PCDHA1: variants seen among roughly 807,000 people sequenced by gnomAD.
PCDHA1 encodes protocadherin alpha-1.
Under a neutral mutation model 61.3 loss-of-function variants are expected in PCDHA1, and 42 were observed. The observed-to-expected ratio is 0.69, with a 90% CI of 0.54 to 0.89. The LOEUF (loss-of-function observed/expected upper bound fraction) is 0.89, where lower values mean the gene tolerates loss of function less well. Ranked by LOEUF, PCDHA1 falls within the 40% of genes least tolerant of loss-of-function variation. PCDHA1 has a pLI of 0.00. For missense variants in PCDHA1, 1,256 were observed against 1,235.3 expected, an observed-to-expected ratio of 1.02 and a Z score of -0.25; for synonymous variants, 610 against 553.8, an observed-to-expected ratio of 1.10 and a Z score of -1.43.
At chr5:140,969,702 C>A (rs1305755991) in intron 1 of PCDHA1, among the ~76,000 whole-genome samples, 1 of 152,144 alleles carries the variant, frequency 6.6e-6, no homozygotes, top group African/African-American at 2.4e-5. Context: ...TCTGCTGTAT[C>A]ATCTACAGGG....
intron 1 of PCDHA1, among the ~76,000 whole-genome samples, chr5:140,892,561 A>G (rs766284976): frequency 1.3e-5 from 2 of 152,156 alleles, no homozygotes; most frequent in Non-Finnish European, 2.9e-5. Context: ...GTCCTTGGAG[A>G]CTGTCAAAAG....
chr5:140,840,084 T>A (rs982040414), intron 1 of PCDHA1, among the ~76,000 whole-genome samples: 2 of 151,904 alleles, frequency 1.3e-5, no homozygotes, highest in Non-Finnish European at 2.9e-5. Context: ...AAAGATAAAC[T>A]TGTTGAAGAT....
At chr5:140,875,884 C>A in intron 1 of PCDHA1, 1 of 1,614,168 alleles carries the variant, frequency 6.2e-7, no homozygotes, top group Non-Finnish European at 8.5e-7. Context: ...AGAAAGGGAA[C>A]AAAAGGTACC....
At chr5:140,843,515 T>TGCCGGGCGGGC in intron 1 of PCDHA1, 1 of 1,595,536 alleles carries the variant, frequency 6.3e-7, no homozygotes, top group Non-Finnish European at 8.6e-7. Context: ...TGAGGGCGGG[T>TGCCGGGCGGGC]GCCGGGCGGG....
At chr5:140,830,250 C>G (rs2150183440) in intron 1 of PCDHA1, 3 of 1,613,904 alleles carry the variant, frequency 1.9e-6, no homozygotes, top group Admixed American at 1.7e-5. Flanking sequence ...CTGTACACAG[C>G]GCTGCGGTGC....
chr5:140,829,438 T>G, intron 1 of PCDHA1: 1 of 1,613,992 alleles, frequency 6.2e-7, no homozygotes, highest in Non-Finnish European at 8.5e-7. Flanking sequence ...CCGACATGAA[T>G]GACAATGCTC....
intron 1 of PCDHA1, chr5:140,808,558 G>A: frequency 6.2e-7 from 1 of 1,614,114 alleles, no homozygotes; most frequent in Non-Finnish European, 8.5e-7. Context: ...CGTTCGCGCA[G>A]CCCGAGTACA....
At chr5:140,943,791 C>G (rs74565063) in intron 1 of PCDHA1, among the ~76,000 whole-genome samples, 2,339 of 152,200 alleles carry the variant, frequency 0.015, 18 homozygotes, top group Middle Eastern at 0.027. Flanking sequence ...GTCCTTTATG[C>G]AAAGCAAAAG....
chr5:140,850,299 G>A, intron 1 of PCDHA1: 1 of 1,596,610 alleles, frequency 6.3e-7, no homozygotes, highest in Non-Finnish European at 8.6e-7. Flanking sequence ...CGCCGACTCG[G>A]GCTACAACGC....
intron 1 of PCDHA1, chr5:140,822,381 A>G: frequency 6.2e-7 from 1 of 1,614,174 alleles, no homozygotes; most frequent in Non-Finnish European, 8.5e-7. Flanking sequence ...TAGATAGAGA[A>G]GAAACACAAG....
At position 140,841,809 on chromosome 5, in the gene PCDHA1, G is replaced by A. The variant is rs2150323100; in HGVS notation, c.2394+53125G>A. The A allele has an allele frequency of 7.4e-6, 12 of 1,613,786 alleles. 1 individual carries two copies. In the African/African-American group the frequency reaches 1.3e-4, roughly 18 times the overall value. On this transcript the variant is annotated intron_variant, in intron 1 of 3. Coordinates refer to ENST00000504120, the MANE Select transcript of PCDHA1 (RefSeq NM_018900.4). ...GAGGGCGCGTCCGATGCAGATGTTG[G>A]AGCTAACTCCGTGTTAACCTACAGG...
At position 140,843,195 on chromosome 5, in the gene PCDHA1, G is replaced by T. The variant is rs1554139855; in HGVS notation, c.2394+54511G>T. 5.6e-6 allele frequency: 9 copies of T among 1,596,020 alleles called. 1 individual carries two copies. The highest frequency in any genetic ancestry group is 3.3e-5 in the South Asian group (3 of 90,494). On this transcript the variant is annotated intron_variant, in intron 1 of 3. Transcript: ENST00000504120. ...AGCCCTCGCATCCCGTTCCGCGTGG[G>T]GCTGTACACGGGCGAGATCAGCACC...
intron 3 of PCDHA1, among the ~76,000 whole-genome samples, chr5:140,994,812 A>G (rs565084284): frequency 6.6e-5 from 10 of 152,328 alleles, no homozygotes; most frequent in African/African-American, 2.2e-4. Flanking sequence ...CAAAATACAA[A>G]AAACTGAATT....
At chr5:140,979,836 T>C (rs1463731318) in intron 2 of PCDHA1, among the ~76,000 whole-genome samples, 2 of 152,216 alleles carry the variant, frequency 1.3e-5, no homozygotes, top group Non-Finnish European at 2.9e-5. Flanking sequence ...GAAGAAATAA[T>C]CTTCAAACTT....
intron 1 of PCDHA1, among the ~76,000 whole-genome samples, chr5:140,954,810 A>C (rs1169811573): frequency 6.6e-6 from 1 of 151,948 alleles, no homozygotes; most frequent in Non-Finnish European, 1.5e-5. Context: ...CTTTTGTTGA[A>C]ATTGCTTTAG....
At chr5:140,963,397 G>A (rs1190925238) in intron 1 of PCDHA1, among the ~76,000 whole-genome samples, 1 of 152,160 alleles carries the variant, frequency 6.6e-6, no homozygotes, top group Admixed American at 6.5e-5. Context: ...GCTCCCTACT[G>A]GATGCTGTAG....
At chr5:140,803,116 T>C in intron 1 of PCDHA1, 1 of 1,613,802 alleles carries the variant, frequency 6.2e-7, no homozygotes, top group Non-Finnish European at 8.5e-7. Flanking sequence ...CTGGACGAGG[T>C]GGACGCCCCG....
chr5:140,980,229 T>C (rs2096881022), intron 2 of PCDHA1, among the ~76,000 whole-genome samples: 1 of 152,232 alleles, frequency 6.6e-6, no homozygotes, highest in South Asian at 2.1e-4. Flanking sequence ...TCTGAGCTGT[T>C]GGTGGAGACA....
chr5:141,009,908 A>T lies in PCDHA1; in HGVS notation c.2824A>T (p.Asn942Tyr). ...NKTQEKKEKGNSTTDNSDQ is the reference protein window; with the variant it reads ...NKTQEKKEKGYSTTDNSDQ ...GACCCAGGAGAAAAAAGAGAAAGGG[A>T]ACAGCACGACTGACAACAGTGACCA... Residue 942 changes from asparagine to tyrosine, a missense_variant, in exon 4 of 4, where the codon AAC (asparagine) becomes TAC (tyrosine). Physicochemically the swap from Asn to Tyr is moderately radical, Grantham distance 143 (BLOSUM62 -2). Transcript: ENST00000504120. 1 of 1,612,966 alleles carries T rather than the reference A, an allele frequency of 6.2e-7. No individual in the cohort carries two copies. The highest frequency in any genetic ancestry group is 1.1e-5 in the South Asian group (1 of 90,886).
Sources: gnomAD v4.1 joint callset for allele counts (sites outside exome capture counted in the v4.1 genomes callset) on GRCh38, gnomAD v4.1.1 for gene constraint, MANE v1.5 for transcripts, NCBI Gene and HGNC (gene_info 2026-07-23, HGNC 2026-07-21) for gene names.